NDUFAF2: variants seen among roughly 807,000 people sequenced by gnomAD.
NDUFAF2 encodes NADH:ubiquinone oxidoreductase complex assembly factor 2, also known as NADH dehydrogenase [ubiquinone] 1 alpha subcomplex assembly factor 2.
Under a neutral mutation model 22.8 loss-of-function variants are expected in NDUFAF2, and 13 were observed. That is an observed-to-expected ratio of 0.57 (90% confidence interval 0.37 to 0.91). The LOEUF is 0.91. Among genes scored for constraint, NDUFAF2 ranks in the 40% least tolerant of loss-of-function variants. NDUFAF2 has a pLI of 0.01. For missense variants in NDUFAF2, 162 were observed against 195.2 expected (o/e 0.83, Z 1.01); for synonymous variants, 53 against 64.2 (o/e 0.83, Z 0.84).
intron 1 of NDUFAF2, among the ~76,000 whole-genome samples, chr5:61,068,997 C>T (rs901005863): frequency 6.6e-6 from 1 of 151,964 alleles, no homozygotes; most frequent in African/African-American, 2.4e-5. Context: ...ATGAAATGTA[C>T]AAATTGTTTA....
chr5:60,985,801 G>A (rs904254646), intron 1 of NDUFAF2, among the ~76,000 whole-genome samples: 1 of 152,020 alleles, frequency 6.6e-6, no homozygotes, highest in Non-Finnish European at 1.5e-5. Context: ...GGAAGGACCC[G>A]CCCCTATAAT....
intron 3 of NDUFAF2, among the ~76,000 whole-genome samples, chr5:61,126,838 A>G (rs1053183865): frequency 3.3e-5 from 5 of 152,224 alleles, no homozygotes; most frequent in East Asian, 3.9e-4. Flanking sequence ...AAAAAAATCA[A>G]TGAATCCAGG....
chr5:61,001,828 A>G (rs1466752522), intron 1 of NDUFAF2, among the ~76,000 whole-genome samples: 1 of 152,156 alleles, frequency 6.6e-6, no homozygotes, highest in Admixed American at 6.6e-5. Context: ...TATATAACAC[A>G]GCAATGCTGC....
chr5:60,960,590 T>C (rs934927582), intron 1 of NDUFAF2, among the ~76,000 whole-genome samples: 2 of 152,202 alleles, frequency 1.3e-5, no homozygotes, highest in Non-Finnish European at 2.9e-5. Flanking sequence ...AAAAGTGAGT[T>C]GACAAGGTTG....
At chr5:61,007,918 A>G (rs1390716933) in intron 1 of NDUFAF2, among the ~76,000 whole-genome samples, 2 of 152,174 alleles carry the variant, frequency 1.3e-5, no homozygotes, top group Non-Finnish European at 2.9e-5. Context: ...TCCAACAATG[A>G]TAGACTGGAT....
At chr5:61,000,022 CAAAAT>C (rs1195333676) in intron 1 of NDUFAF2, among the ~76,000 whole-genome samples, 1 of 151,428 alleles carries the variant, frequency 6.6e-6, no homozygotes, top group East Asian at 1.9e-4. Context: ...TTTTGATGGA[CAAAAT>C]AAAAAAGTTT....
intron 1 of NDUFAF2, among the ~76,000 whole-genome samples, chr5:60,998,906 G>A (rs974166279): frequency 3.3e-5 from 5 of 151,298 alleles, no homozygotes; most frequent in Admixed American, 3.3e-4. Flanking sequence ...TTTAATTTTT[G>A]AGAATTTGAG....
chr5:61,041,151 C>T (rs946532682), intron 1 of NDUFAF2, among the ~76,000 whole-genome samples: 3 of 152,046 alleles, frequency 2.0e-5, no homozygotes, highest in South Asian at 2.1e-4. Context: ...TCAGAAGTAA[C>T]ATCTAAGAGG....
chr5:60,977,810 C>G (rs1409166099), intron 1 of NDUFAF2, among the ~76,000 whole-genome samples: 2 of 139,440 alleles, frequency 1.4e-5, no homozygotes, highest in African/African-American at 2.6e-5. Context: ...GCACTCCAGT[C>G]TGGGCTACAG....
At chr5:61,037,290 A>C (rs1751812044) in intron 1 of NDUFAF2, among the ~76,000 whole-genome samples, 1 of 152,244 alleles carries the variant, frequency 6.6e-6, no homozygotes, top group Non-Finnish European at 1.5e-5. Flanking sequence ...AACAAAACTT[A>C]AACTTGGTTA....
chr5:61,006,627 A>G (rs984230496), intron 1 of NDUFAF2, among the ~76,000 whole-genome samples: 2 of 151,874 alleles, frequency 1.3e-5, no homozygotes, highest in African/African-American at 2.4e-5. Context: ...TTGAGCACTG[A>G]TTTGTAGTTC....
At chr5:61,046,655 G>A (rs1233069347) in intron 1 of NDUFAF2, among the ~76,000 whole-genome samples, 1 of 152,152 alleles carries the variant, frequency 6.6e-6, no homozygotes, top group Admixed American at 6.6e-5. Context: ...ATTTGCATAT[G>A]TGTTTTGTGA....
intron 1 of NDUFAF2, among the ~76,000 whole-genome samples, chr5:61,039,770 TC>T (rs368202500): frequency 1.1e-4 from 17 of 152,176 alleles, no homozygotes; most frequent in African/African-American, 4.1e-4. Flanking sequence ...CATTGATTTC[TC>T]ATCAAAGAAA....
chr5:61,080,365 A>G (rs750541342), intron 2 of NDUFAF2, among the ~76,000 whole-genome samples: 14 of 152,280 alleles, frequency 9.2e-5, no homozygotes, highest in Non-Finnish European at 1.6e-4. Flanking sequence ...CTGCCAAGAT[A>G]TTTTTCAATG....
intron 3 of NDUFAF2, among the ~76,000 whole-genome samples, chr5:61,110,060 C>G (rs1033849296): frequency 2.4e-4 from 36 of 152,118 alleles, no homozygotes; most frequent in Admixed American, 4.6e-4. Flanking sequence ...TTTCCAGCAT[C>G]AATTGAATGA....
intron 1 of NDUFAF2, among the ~76,000 whole-genome samples, chr5:60,978,462 C>T (rs139919403): frequency 3.3e-5 from 5 of 152,116 alleles, no homozygotes; most frequent in African/African-American, 4.8e-5. Flanking sequence ...ACAACCATGG[C>T]GGAAGGCAAA....
intron 3 of NDUFAF2, among the ~76,000 whole-genome samples, chr5:61,151,185 A>T (rs1382895168): frequency 6.6e-6 from 1 of 152,224 alleles, no homozygotes; most frequent in Non-Finnish European, 1.5e-5. Context: ...CTTTAATATC[A>T]GAGCTTACCT....
At chr5:61,054,430 T>C (rs1752062092) in intron 1 of NDUFAF2, among the ~76,000 whole-genome samples, 1 of 152,086 alleles carries the variant, frequency 6.6e-6, no homozygotes, top group South Asian at 2.1e-4. Context: ...ACCATAGGTT[T>C]CCAAGTCCTA....
intron 1 of NDUFAF2, among the ~76,000 whole-genome samples, chr5:60,948,642 T>C (rs927981054): frequency 6.6e-6 from 1 of 152,226 alleles, no homozygotes; most frequent in African/African-American, 2.4e-5. Context: ...GTTTATTTCT[T>C]TTTAATGCTG....
Sources: allele counts gnomAD v4.1 joint callset (sites outside exome capture counted in the v4.1 genomes callset), GRCh38; gene constraint gnomAD v4.1.1; transcripts MANE v1.5; gene names NCBI Gene and HGNC (gene_info 2026-07-23, HGNC 2026-07-21).